Variants in TLL1 observed in about 807,000 individuals in gnomAD.
TLL1 encodes the protein tolloid-like protein 1.
TLL1 carries 49 observed loss-of-function variants against 128.2 expected under a neutral mutation model. The observed-to-expected ratio is 0.38, with a 90% CI of 0.30 to 0.48. TLL1 has a LOEUF of 0.48. Among genes scored for constraint, TLL1 ranks in the 20% least tolerant of loss-of-function variants. The probability of loss-of-function intolerance (pLI) is 0.96; values close to 1 mark genes in which losing one functional copy is unlikely to be tolerated. For synonymous variants in TLL1, 454 were observed against 418.8 expected (o/e 1.08, Z -1.03); for missense variants, 1,123 against 1,242.0 (o/e 0.90, Z 1.44).
intron 18 of TLL1, among the ~76,000 whole-genome samples, chr4:166,087,893 T>C (rs182331230): frequency 3.9e-5 from 6 of 152,248 alleles, no homozygotes; most frequent in Middle Eastern, 6.8e-3. Flanking sequence ...TCTCTTAGCT[T>C]GCTTGTCTTG....
chr4:165,997,940 C>G (rs1736957823), intron 5 of TLL1, among the ~76,000 whole-genome samples: 2 of 152,122 alleles, frequency 1.3e-5, no homozygotes. Flanking sequence ...TTGAACTGAG[C>G]TATAAGTATT....
At chr4:166,065,985 C>G (rs1560848296) in intron 16 of TLL1, 122 bp downstream of exon 16, 1 of 694,536 alleles carries the variant, frequency 1.4e-6, no homozygotes, top group Non-Finnish European at 2.4e-6. Flanking sequence ...GTAGGCCTTA[C>G]AAACAACACA....
At chr4:166,028,136 A>G (rs2111074180) in intron 9 of TLL1, among the ~76,000 whole-genome samples, 1 of 151,998 alleles carries the variant, frequency 6.6e-6, no homozygotes, top group South Asian at 2.1e-4. Flanking sequence ...TGGGAATTTA[A>G]CTCATTAATT....
intron 9 of TLL1, among the ~76,000 whole-genome samples, chr4:166,034,727 G>T (rs950329917): frequency 7.9e-5 from 12 of 152,092 alleles, no homozygotes; most frequent in Non-Finnish European, 1.5e-4. Flanking sequence ...AGATGTAGGG[G>T]TGTAGTGGGA....
At position 166,014,530 on chromosome 4, in the gene TLL1, G is replaced by C. The variant is rs114287070; in HGVS notation, c.1012G>C (p.Ala338Pro). Residue 338 changes from alanine (A) to proline (P), a missense_variant, in exon 8 of 21, where the codon GCA becomes CCA. Physicochemically the swap from Ala to Pro is conservative, Grantham distance 27. Around this residue, in one of 3 missense-constraint regions of TLL1, gnomAD observed 480 missense variants for 542.4 expected, o/e 0.89. Coordinates refer to ENST00000061240, the MANE Select transcript of TLL1 (RefSeq NM_012464.5). ...QRTRLSKGDI[A>P]QARKLYRCPA... ...AACCCGTCTAAGCAAAGGAGATATC[G>C]CACAGGCAAGAAAGCTGTATAGATG... 6 of 1,612,110 alleles carry C rather than the reference G, an allele frequency of 3.7e-6. No individual in the cohort carries two copies. Among genetic ancestry groups the C allele is most frequent in the Non-Finnish European group, 5.1e-6 (6 of 1,178,628 alleles).
chr4:165,910,729 T>C (rs991021217), intron 1 of TLL1, among the ~76,000 whole-genome samples: 19 of 152,196 alleles, frequency 1.2e-4, no homozygotes, highest in African/African-American at 4.6e-4. Flanking sequence ...AACAATGCAT[T>C]ATGTCAAATA....
rs1404300474 is a variant in TLL1, at chr4:166,077,982, A to C, written c.2394A>C (p.Lys798Asn). 4 of 1,613,684 alleles carry C rather than the reference A, an allele frequency of 2.5e-6. No individual in the cohort carries two copies. Among genetic ancestry groups the C allele is most frequent in the Non-Finnish European group, 2.5e-6 (3 of 1,179,802 alleles). ...GGCCAGACAAGTACCCAAGCAGGAAAGAATGCACTTGGGAAATCAGCGCCA... is the reference window on the plus strand; with the variant it reads ...GGCCAGACAAGTACCCAAGCAGGAACGAATGCACTTGGGAAATCAGCGCCA... ...PNWPDKYPSR[K>N]ECTWEISATP... Residue 798 changes from lysine (K) to asparagine (N), a missense_variant, in exon 18 of 21, where the codon AAA (lysine) becomes AAC (asparagine). Lys to Asn is a moderately conservative substitution (Grantham distance 94). Around this residue, in one of 3 missense-constraint regions of TLL1, gnomAD observed 634 missense variants for 672.4 expected, o/e 0.94. Transcript: ENST00000061240.
At chr4:166,007,889 C>A in intron 6 of TLL1, 54 bp from the exon 7 acceptor site, 2 of 1,173,680 alleles carry the variant, frequency 1.7e-6, no homozygotes, top group South Asian at 1.2e-5. Context: ...GCCTTCTGGT[C>A]TATTTTCTGT....
chr4:165,940,343 A>G (rs899110319), intron 1 of TLL1, among the ~76,000 whole-genome samples: 1 of 151,960 alleles, frequency 6.6e-6, no homozygotes, highest in Non-Finnish European at 1.5e-5. Context: ...CTTGAATCCA[A>G]TTTGAACTAT....
chr4:166,076,576 T>A (rs1373023937), intron 17 of TLL1, among the ~76,000 whole-genome samples: 1 of 151,592 alleles, frequency 6.6e-6, no homozygotes, highest in African/African-American at 2.4e-5. Context: ...AGGAAAGGGG[T>A]TGGATCATCT....
At chr4:165,951,808 A>C (rs948464547) in intron 1 of TLL1, among the ~76,000 whole-genome samples, 17 of 152,128 alleles carry the variant, frequency 1.1e-4, no homozygotes, top group African/African-American at 4.1e-4. Flanking sequence ...ACATCTTGCT[A>C]TATTCCAGAA....
chr4:165,953,170 T>C (rs1734608199), intron 1 of TLL1, among the ~76,000 whole-genome samples: 1 of 152,140 alleles, frequency 6.6e-6, no homozygotes, highest in African/African-American at 2.4e-5. Flanking sequence ...AAAGGATGAG[T>C]GACTTCTACA....
At chr4:165,953,577 AAAAAAG>A (rs1479003346) in intron 1 of TLL1, among the ~76,000 whole-genome samples, 50 of 142,312 alleles carry the variant, frequency 3.5e-4, no homozygotes, top group African/African-American at 1.3e-3. Context: ...AAAAAAAAAA[AAAAAAG>A]AAAGAAGGAA....
At chr4:166,076,098 G>T (rs924315457) in intron 17 of TLL1, among the ~76,000 whole-genome samples, 2 of 151,912 alleles carry the variant, frequency 1.3e-5, no homozygotes, top group African/African-American at 4.8e-5. Context: ...TTTGAAACAG[G>T]GTCTGCCTCT....
chr4:165,887,391 C>T (rs1731210828), intron 1 of TLL1, among the ~76,000 whole-genome samples: 1 of 151,962 alleles, frequency 6.6e-6, no homozygotes, highest in Non-Finnish European at 1.5e-5. Flanking sequence ...CAGTGACCAG[C>T]TGGATGGCTT....
At chr4:165,995,280 A>G (rs1427515415) in intron 5 of TLL1, 102 bp downstream of exon 5, 3 of 944,534 alleles carry the variant, frequency 3.2e-6, no homozygotes, top group Non-Finnish European at 5.1e-6. Context: ...TTTGCTTTGT[A>G]TTTTGGCCAT....
chr4:166,078,459 T>C (rs1444307125), intron 18 of TLL1, among the ~76,000 whole-genome samples: 1 of 152,220 alleles, frequency 6.6e-6, no homozygotes, highest in African/African-American at 2.4e-5. Context: ...TTTTTCATAA[T>C]AGAATCAATT....
intron 2 of TLL1, 56 bp downstream of exon 2, chr4:165,989,547 A>C: frequency 1.6e-6 from 2 of 1,248,650 alleles, no homozygotes. Flanking sequence ...TATACTCTTG[A>C]AGTGCTATAA....
Position 165,919,121 on chromosome 4 carries a change from C to A in TLL1, c.169+45048C>A, listed in dbSNP as rs188444129. ...AATAGGCCAGGCACAGTGGCTCACA[C>A]CTGTAGTCCCAGCAGTTTGGAAGAC... On this transcript the variant is annotated intron_variant, in intron 1 of 20. Transcript: ENST00000061240. 1.8e-3 allele frequency among the ~76,000 whole-genome samples: 278 copies of A among 152,102 alleles called. 1 individual carries two copies. The highest frequency in any genetic ancestry group is 3.2e-3 in the Non-Finnish European group (217 of 67,974).
Sources: allele counts gnomAD v4.1 joint callset (sites outside exome capture counted in the v4.1 genomes callset), GRCh38; gene constraint gnomAD v4.1.1; regional missense constraint gnomAD v4.1.1; transcripts MANE v1.5; gene names NCBI Gene and HGNC (gene_info 2026-07-23, HGNC 2026-07-21).